The following SGCZ variants were observed in gnomAD, a reference collection of about 807,000 sequenced individuals.
The protein encoded by SGCZ is sarcoglycan zeta, also known as zeta-sarcoglycan.
Under a neutral mutation model 41.3 loss-of-function variants are expected in SGCZ, and 40 were observed. The observed-to-expected ratio is 0.97, with a 90% CI of 0.75 to 1.26. The LOEUF is 1.26. Among genes scored for constraint, SGCZ ranks in the 50% most tolerant of loss-of-function variants. SGCZ has a pLI of 0.00. For synonymous variants in SGCZ, 206 were observed against 137.5 expected, an observed-to-expected ratio of 1.50 and a Z score of -3.49; for missense variants, 552 against 369.8, an observed-to-expected ratio of 1.49 and a Z score of -4.04.
At chr8:15,092,242 C>T (rs940178803) in intron 1 of SGCZ, among the ~76,000 whole-genome samples, 1 of 152,160 alleles carries the variant, frequency 6.6e-6, no homozygotes, top group Non-Finnish European at 1.5e-5. Flanking sequence ...ATCTGCTTCA[C>T]TGAAGGGTTA....
At chr8:14,869,455 A>G (rs1221211353) in intron 1 of SGCZ, among the ~76,000 whole-genome samples, 1 of 152,200 alleles carries the variant, frequency 6.6e-6, no homozygotes, top group African/African-American at 2.4e-5. Context: ...AATAAGAGCT[A>G]TTTATGACAA....
At chr8:14,501,066 T>C (rs1274833075) in intron 2 of SGCZ, among the ~76,000 whole-genome samples, 2 of 152,026 alleles carry the variant, frequency 1.3e-5, no homozygotes, top group Non-Finnish European at 2.9e-5. Flanking sequence ...AATCAAGCTG[T>C]TAGTAGGGTT....
At chr8:14,673,704 G>C (rs942773345) in intron 1 of SGCZ, among the ~76,000 whole-genome samples, 1 of 152,024 alleles carries the variant, frequency 6.6e-6, no homozygotes, top group Non-Finnish European at 1.5e-5. Context: ...AATATGACTT[G>C]AATAAATGAA....
At chr8:14,300,135 A>T (rs1801138030) in intron 3 of SGCZ, among the ~76,000 whole-genome samples, 1 of 152,010 alleles carries the variant, frequency 6.6e-6, no homozygotes, top group South Asian at 2.1e-4. Context: ...TTTGATTGTG[A>T]TGTGAATTAC....
chr8:14,193,678 G>A (rs76903601), intron 4 of SGCZ, among the ~76,000 whole-genome samples: 1 of 151,606 alleles, frequency 6.6e-6, no homozygotes, highest in Non-Finnish European at 1.5e-5. Context: ...AACAATAGCT[G>A]AGTATATTCT....
chr8:14,464,162 G>A (rs192965238), intron 2 of SGCZ, among the ~76,000 whole-genome samples: 38 of 151,504 alleles, frequency 2.5e-4, no homozygotes, highest in Admixed American at 1.8e-3. Context: ...CCTCCTCTTC[G>A]ACATTTGTTA....
chr8:14,868,917 T>A (rs969418427), intron 1 of SGCZ, among the ~76,000 whole-genome samples: 9 of 151,968 alleles, frequency 5.9e-5, no homozygotes, highest in Admixed American at 5.9e-4. Context: ...AATAGACCAA[T>A]AACAAGTTCT....
At chr8:14,286,208 T>A (rs138239085) in intron 3 of SGCZ, among the ~76,000 whole-genome samples, 1 of 152,264 alleles carries the variant, frequency 6.6e-6, no homozygotes, top group Non-Finnish European at 1.5e-5. Flanking sequence ...CAAAGTGCTC[T>A]GCTAATTCCT....
At chr8:14,942,422 A>G (rs1800306167) in intron 1 of SGCZ, among the ~76,000 whole-genome samples, 1 of 152,148 alleles carries the variant, frequency 6.6e-6, no homozygotes, top group South Asian at 2.1e-4. Flanking sequence ...TTCCTGGGGT[A>G]ACTCTTTTAA....
At chr8:14,337,702 G>A (rs372220950) in intron 2 of SGCZ, among the ~76,000 whole-genome samples, 2 of 152,190 alleles carry the variant, frequency 1.3e-5, no homozygotes, top group Non-Finnish European at 2.9e-5. Flanking sequence ...GAAAAGCACA[G>A]AGGACATGCC....
At chr8:15,010,500 G>C (rs921617348) in intron 1 of SGCZ, among the ~76,000 whole-genome samples, 3 of 152,090 alleles carry the variant, frequency 2.0e-5, no homozygotes, top group Non-Finnish European at 2.9e-5. Context: ...TCTGAGAAGT[G>C]ATTTAAATTA....
intron 1 of SGCZ, among the ~76,000 whole-genome samples, chr8:14,862,283 C>G (rs1183803879): frequency 6.6e-6 from 1 of 151,822 alleles, no homozygotes; most frequent in Non-Finnish European, 1.5e-5. Context: ...GCATACTGCA[C>G]CACTTCCTCC....
chr8:14,315,083 G>C (rs1801669111), intron 3 of SGCZ, among the ~76,000 whole-genome samples: 1 of 152,130 alleles, frequency 6.6e-6, no homozygotes, highest in Admixed American at 6.6e-5. Flanking sequence ...CTTTTATGCA[G>C]ATGAGGTGTA....
chr8:15,180,975 A>G (rs1433894661), intron 1 of SGCZ, among the ~76,000 whole-genome samples: 2 of 152,176 alleles, frequency 1.3e-5, no homozygotes, highest in Non-Finnish European at 2.9e-5. Context: ...TAAAAAATAG[A>G]TATGCCCAAA....
chr8:14,139,989 G>T (rs1467457560), intron 5 of SGCZ, among the ~76,000 whole-genome samples: 1 of 152,090 alleles, frequency 6.6e-6, no homozygotes, highest in Non-Finnish European at 1.5e-5. Context: ...TAGCCACCAA[G>T]ATCAAATTTG....
intron 1 of SGCZ, among the ~76,000 whole-genome samples, chr8:14,635,740 C>T (rs958065131): frequency 2.0e-5 from 3 of 151,746 alleles, no homozygotes; most frequent in Non-Finnish European, 4.4e-5. Flanking sequence ...GGGTTCAGTA[C>T]TATCTGTGGT....
At chr8:14,582,355 G>A (rs1585098861) in intron 1 of SGCZ, among the ~76,000 whole-genome samples, 1 of 151,900 alleles carries the variant, frequency 6.6e-6, no homozygotes, top group African/African-American at 2.4e-5. Flanking sequence ...TTGTTGAAGG[G>A]TCTACTGCAC....
intron 2 of SGCZ, among the ~76,000 whole-genome samples, chr8:14,466,640 C>T (rs1801058521): frequency 6.6e-6 from 1 of 151,686 alleles, no homozygotes; most frequent in African/African-American, 2.4e-5. Flanking sequence ...TTCACTTAAC[C>T]TCCATCTTTT....
intron 1 of SGCZ, among the ~76,000 whole-genome samples, chr8:14,784,657 G>A (rs1321449032): frequency 6.6e-6 from 1 of 151,462 alleles, no homozygotes; most frequent in Non-Finnish European, 1.5e-5. Context: ...CACTTTGGGA[G>A]GCCAAGGCAG....
Sources: gnomAD v4.1 joint callset for allele counts (sites outside exome capture counted in the v4.1 genomes callset) on GRCh38, gnomAD v4.1.1 for gene constraint, MANE v1.5 for transcripts, NCBI Gene and HGNC (gene_info 2026-07-23, HGNC 2026-07-21) for gene names.